Variants in EIF3G observed in about 807,000 individuals in gnomAD.
EIF3G encodes the protein eukaryotic translation initiation factor 3 subunit G, also known as eukaryotic translation initiation factor 3 RNA-binding subunit.
Under a neutral mutation model 41.7 loss-of-function variants are expected in EIF3G, and 10 were observed. That is an observed-to-expected ratio of 0.24 (90% CI 0.15 to 0.41). The LOEUF (loss-of-function observed/expected upper bound fraction) is 0.41, where lower values mean the gene tolerates loss of function less well. EIF3G is among the 10% of genes least tolerant of loss of function. EIF3G has a pLI of 1.00. For synonymous variants in EIF3G, 204 were observed against 172.5 expected, an observed-to-expected ratio of 1.18 and a Z score of -1.43; for missense variants, 297 against 444.0, an observed-to-expected ratio of 0.67 and a Z score of 2.98.
chr19:10,119,856 G>T lies in EIF3G; in HGVS notation c.4C>A (p.Pro2Thr), dbSNP rs762560827. ...CCGACTCACTCAAAGTCTCCAGTAG[G>T]CATCGCAAAAAGTATTCTCCACGCA... M[P>T]TGDFDSKPSW... The change falls in exon 1 of 11, where the codon CCT becomes ACT. Residue 2 changes from proline to threonine, a missense_variant. Pro to Thr is a conservative substitution (Grantham distance 38). Coordinates refer to ENST00000253108, the MANE Select transcript of EIF3G (RefSeq NM_003755.5). 6 of 1,614,048 alleles carry T rather than the reference G, an allele frequency of 3.7e-6. No homozygotes were observed. In the South Asian group the frequency reaches 6.6e-5, roughly 18 times the overall value.
chr19:10,119,745 CCCG>C, intron 1 of EIF3G, 45 bp from the exon 2 acceptor site: 1 of 1,613,040 alleles, frequency 6.2e-7, no homozygotes, highest in South Asian at 1.1e-5. Context: ...GTCAGCCAGG[CCCG>C]GCTCCCGCAG....
chr19:10,117,227 G>A (rs1272355466), intron 5 of EIF3G, 39 bp from the exon 6 acceptor site: 1 of 1,515,432 alleles, frequency 6.6e-7, no homozygotes, highest in Non-Finnish European at 9.0e-7. Flanking sequence ...TGAGGGCAGG[G>A]GCAGGCTGGG....
Position 10,116,428 on chromosome 19 carries a change from G to A in EIF3G, c.596-354C>T. 2.0e-6 allele frequency: 1 copy of A among 488,812 alleles called. No individual in the cohort carries two copies. The highest frequency in any genetic ancestry group is 3.7e-6 in the Non-Finnish European group (1 of 270,972). 30.3% of individuals were successfully genotyped at this position (488,812 alleles called of 1,614,324 possible). A position where few individuals can be genotyped will look rare whatever the true frequency, so the allele number is the denominator to read the frequency against. Reference sequence around the variant, plus strand: ...CGTGGCAGGCGACAAGTGCACGTCTGCACTCTCACACTCGCCACCAGCAAA... The same window carrying A: ...CGTGGCAGGCGACAAGTGCACGTCTACACTCTCACACTCGCCACCAGCAAA... On this transcript the variant is annotated intron_variant, in intron 7 of 10. Coordinates refer to ENST00000253108, the MANE Select transcript of EIF3G (RefSeq NM_003755.5). The surrounding 1 kb of genome is among the most constrained non-coding windows in gnomAD (Gnocchi z 4.1).
chr19:10,115,218 AGAGGACGGGGTAATGT>A (rs2089220070), intron 10 of EIF3G, 89 bp from the exon 11 acceptor site: 2 of 1,525,276 alleles, frequency 1.3e-6, no homozygotes, highest in Non-Finnish European at 1.8e-6. Flanking sequence ...GTGGGTGGGC[AGAGGACGGGGTAATGT>A]GAGGACGAAG....
chr19:10,116,064 C>A lies in EIF3G; in HGVS notation c.606G>T (p.Pro202=). 5.6e-6 allele frequency: 9 copies of A among 1,613,812 alleles called. No individual in the cohort carries two copies. Among genetic ancestry groups the A allele is most frequent in the Non-Finnish European group, 6.8e-6 (8 of 1,179,854 alleles). ...CTGTCTTGTTCTGCGTGGCCTGCAC[C>A]GGCTCTAGCTCTGGGGACCAAAAGA... ...EKEKLPGELE[P]VQATQNKTGK... is the part of the protein sequence containing the mutation. The change falls in exon 8 of 11, where the codon CCG becomes CCT. Residue 202 remains proline (P), a synonymous_variant. Coordinates refer to ENST00000253108, the MANE Select transcript of EIF3G (RefSeq NM_003755.5). The surrounding 1 kb of genome is among the most constrained non-coding windows in gnomAD (Gnocchi z 4.1).
intron 4 of EIF3G, 63 bp downstream of exon 4, chr19:10,118,805 C>G (rs1342508068): frequency 6.2e-7 from 1 of 1,606,640 alleles, no homozygotes; most frequent in African/African-American, 1.3e-5. Flanking sequence ...CACACCCCAC[C>G]CCATTCCGGT....
In EIF3G at chr19:10,118,711, C is replaced by G. The variant is rs1411002932; in HGVS notation, c.257G>C (p.Arg86Thr). Reference protein sequence around the residue: ...GKKFKIVRTFRIETRKASKAV... With the variant: ...GKKFKIVRTFTIETRKASKAV... ...CTTTGAAGCCTTCCGGGTCTCAATC[C>G]TGAAGGTGCGGACAATCTGAGGATG... Residue 86 changes from arginine to threonine, a missense_variant, in exon 5 of 11, where the codon AGG (arginine) becomes ACG (threonine). Arg to Thr is a moderately conservative substitution (Grantham distance 71, BLOSUM62 -1). This residue lies in a region of EIF3G where 147 missense variants were observed against 162.4 expected (regional missense o/e 0.91). Coordinates refer to ENST00000253108, the MANE Select transcript of EIF3G (RefSeq NM_003755.5). 6.2e-7 allele frequency: 1 copy of G among 1,613,950 alleles called. No homozygotes were observed. The highest frequency in any genetic ancestry group is 1.3e-5 in the African/African-American group (1 of 74,894).
chr19:10,115,681 C>T lies in EIF3G; in HGVS notation c.840+3G>A, dbSNP rs758233095. 6.2e-7 allele frequency: 1 copy of T among 1,613,474 alleles called. No individual in the cohort carries two copies. Among genetic ancestry groups the T allele is most frequent in the South Asian group, 1.1e-5 (1 of 91,042 alleles). ...GCCCCACCGTGCCTGCCTGCCTGCCCACCTTGGATTGGCCAGTGGTCTTGT... is the reference window on the plus strand; with the variant it reads ...GCCCCACCGTGCCTGCCTGCCTGCCTACCTTGGATTGGCCAGTGGTCTTGT... On this transcript the variant is annotated splice_donor_region_variant and intron_variant, in intron 9 of 10. Coordinates refer to ENST00000253108, the MANE Select transcript of EIF3G (RefSeq NM_003755.5).
Position 10,118,918 on chromosome 19 carries a change from T to G in EIF3G, c.190A>C (p.Ile64Leu). ...PPPKEVINGN[I>L]KTVTEYKIDE... ...ATCTTGTACTCTGTCACTGTCTTTATGTTTCCGTTGATGACCTCCTTGGGA... is the reference window on the plus strand; with the variant it reads ...ATCTTGTACTCTGTCACTGTCTTTAGGTTTCCGTTGATGACCTCCTTGGGA... Residue 64 changes from isoleucine (I) to leucine (L), a missense_variant, in exon 4 of 11, where the codon ATA (isoleucine) becomes CTA (leucine). By Grantham distance (5) the Ile-to-Leu change is conservative. Transcript: ENST00000253108. 1 of 1,614,074 alleles carries G rather than the reference T, an allele frequency of 6.2e-7. No individual in the cohort carries two copies. Among genetic ancestry groups the G allele is most frequent in the East Asian group, 2.2e-5 (1 of 44,874 alleles).
At chr19:10,117,276 C>A (rs368227745) in intron 5 of EIF3G, 88 bp from the exon 6 acceptor site, 6 of 941,434 alleles carry the variant, frequency 6.4e-6, no homozygotes, top group Non-Finnish European at 9.7e-6. Context: ...ACAGCCACCC[C>A]CAGAGTGTCT....
Position 10,117,154 on chromosome 19 carries a change from G to C in EIF3G, c.335C>G (p.Pro112Arg). The change falls in exon 6 of 11, where the codon CCC becomes CGC. Residue 112 changes from proline (P) to arginine (R), a missense_variant. Pro to Arg is a moderately radical substitution (Grantham distance 103). This residue lies in a region of EIF3G where 147 missense variants were observed against 162.4 expected (regional missense o/e 0.91). Coordinates refer to ENST00000253108, the MANE Select transcript of EIF3G (RefSeq NM_003755.5). Reference protein sequence around the residue: ...WKKFGNSEFDPPGPNVATTTV... With the variant: ...WKKFGNSEFDRPGPNVATTTV... ...GGTGGTGGCCACATTGGGTCCGGGGGGGTCAAACTCTGAGTTCCCGAACTT... is the reference window on the plus strand; with the variant it reads ...GGTGGTGGCCACATTGGGTCCGGGGCGGTCAAACTCTGAGTTCCCGAACTT... 1 of 1,613,128 alleles carries C rather than the reference G, an allele frequency of 6.2e-7. No individual in the cohort carries two copies. The highest frequency in any genetic ancestry group is 8.5e-7 in the Non-Finnish European group (1 of 1,179,654).
rs1472778176 is a variant in EIF3G at position 10,116,635 on chromosome 19, C to T, written c.595+165G>A. On this transcript the variant is annotated intron_variant, in intron 7 of 10. Coordinates refer to ENST00000253108, the MANE Select transcript of EIF3G (RefSeq NM_003755.5). The surrounding 1 kb of genome is among the most constrained non-coding windows in gnomAD (Gnocchi z 4.1). Reference sequence around the variant, plus strand: ...AAGTCGCACATATATGGGAGACGCCCGTCTCCCAACCATAGGAGGTACAGC... The same window carrying T: ...AAGTCGCACATATATGGGAGACGCCTGTCTCCCAACCATAGGAGGTACAGC... 1.9e-5 allele frequency: 13 copies of T among 676,188 alleles called. No homozygotes were observed. The highest frequency in any genetic ancestry group is 6.3e-5 in the South Asian group (3 of 47,602). The allele number at this position is 676,188 out of a possible 1,614,324, so 41.9% of individuals were successfully genotyped here. A position where few individuals can be genotyped will look rare whatever the true frequency, so the allele number is the denominator to read the frequency against.
Position 10,119,704 on chromosome 19 carries a change from C to A in EIF3G, c.21-4G>T, listed in dbSNP as rs200746408. ...GTCGGCCCAACTGGGCTTCGAACTG[C>A]GGAAACAAATGTGTGGGGAACGAAG... On this transcript the variant is annotated splice_polypyrimidine_tract_variant and splice_region_variant and intron_variant, in intron 1 of 10. Coordinates refer to ENST00000253108, the MANE Select transcript of EIF3G (RefSeq NM_003755.5). The A allele has an allele frequency of 6.2e-7, 1 of 1,607,342 alleles. No homozygotes were observed. Among genetic ancestry groups the A allele is most frequent in the South Asian group, 1.1e-5 (1 of 90,666 alleles).
rs1330257100 is a variant in EIF3G at position 10,119,873 on chromosome 19, C to G, written c.-14G>C. The G allele has an allele frequency of 1.9e-6, 3 of 1,613,794 alleles. No individual in the cohort carries two copies. The highest frequency in any genetic ancestry group is 1.3e-5 in the African/African-American group (1 of 74,910). ...TCCAGTAGGCATCGCAAAAAGTATT[C>G]TCCACGCAGCCCAAGCCCGGCCAGA... On this transcript the variant is annotated 5_prime_UTR_variant, in exon 1 of 11. Coordinates refer to ENST00000253108, the MANE Select transcript of EIF3G (RefSeq NM_003755.5).
rs2089284025 is a variant in EIF3G at position 10,119,082 on chromosome 19, ACTCACCTCCCGGCAG to A, written c.142_151+5del. On this transcript the variant is annotated splice_donor_variant and splice_donor_5th_base_variant and coding_sequence_variant and intron_variant, in exon 3 of 11. Transcript: ENST00000253108. LOFTEE classifies it high-confidence loss of function. ...CCTCACTCACCTCCCGGCAGTCCTC[ACTCACCTCCCGGCAG>A]TAGCTCTGGCTCTGGGCTGGTGTCA... 1 of 1,004,292 alleles carries A rather than the reference ACTCACCTCCCGGCAG, an allele frequency of 1.0e-6. No individual in the cohort carries two copies. Among genetic ancestry groups the A allele is most frequent in the Admixed American group, 3.0e-5 (1 of 33,064 alleles). 62.2% of individuals were successfully genotyped at this position (1,004,292 alleles called of 1,614,324 possible). A position where few individuals can be genotyped will look rare whatever the true frequency, so the allele number is the denominator to read the frequency against.
At chr19:10,119,252 ACGCCTACAGCAAAAG>A in intron 2 of EIF3G, 81 bp from the exon 3 acceptor site, 3 of 1,440,142 alleles carry the variant, frequency 2.1e-6, no homozygotes, top group Non-Finnish European at 2.9e-6. Context: ...TTTTGGGATG[ACGCCTACAGCAAAAG>A]CGGAGAAAGG....
chr19:10,117,037 C>T (rs749122290), intron 6 of EIF3G, 47 bp downstream of exon 6: 2 of 1,605,778 alleles, frequency 1.2e-6, no homozygotes, highest in East Asian at 4.5e-5. Context: ...AAGGCACCCC[C>T]TTTGCCCCAC....
chr19:10,116,230 C>G lies in EIF3G; in HGVS notation c.596-156G>C. On this transcript the variant is annotated intron_variant, in intron 7 of 10. Transcript: ENST00000253108. This position sits in a 1 kb window ranked among gnomAD's most constrained non-coding sequence, Gnocchi z 4.1. ...GGCCACGAGGACACCAAGGTGACACCTGAGAAGCTGACACCATTTGAGCTC... is the reference window on the plus strand; with the variant it reads ...GGCCACGAGGACACCAAGGTGACACGTGAGAAGCTGACACCATTTGAGCTC... 1.5e-6 allele frequency: 1 copy of G among 685,462 alleles called. No individual in the cohort carries two copies. Among genetic ancestry groups the G allele is most frequent in the East Asian group, 2.7e-5 (1 of 36,484 alleles). 42.5% of individuals were successfully genotyped at this position (685,462 alleles called of 1,614,324 possible).
chr19:10,119,792 G>T, intron 1 of EIF3G, 48 bp downstream of exon 1: 1 of 1,614,184 alleles, frequency 6.2e-7, no homozygotes, highest in Non-Finnish European at 8.5e-7. Context: ...ATACTTCCCA[G>T]AGCACCCCAA....
Sources: gnomAD v4.1 joint callset for allele counts on GRCh38, gnomAD v4.1.1 for gene constraint, gnomAD v4.1.1 regional missense constraint, Gnocchi (gnomAD v3.1) non-coding constraint, MANE v1.5 for transcripts, NCBI Gene and HGNC (gene_info 2026-07-23, HGNC 2026-07-21) for gene names.